ANO6: variants seen among roughly 807,000 people sequenced by gnomAD.
ANO6 encodes the protein anoctamin-6.
In ANO6, 106 loss-of-function variants were observed where a neutral mutation model predicts 117.5. That is an observed-to-expected ratio of 0.90 (90% CI 0.77 to 1.06). ANO6 has a LOEUF of 1.06. Among genes scored for constraint, ANO6 ranks in the 50% least tolerant of loss-of-function variants. The probability of loss-of-function intolerance (pLI) is 0.00; values close to 1 mark genes in which losing one functional copy is unlikely to be tolerated. For synonymous variants in ANO6, 367 were observed against 385.1 expected (o/e 0.95, Z 0.55); for missense variants, 955 against 1,121.1 (o/e 0.85, Z 2.12).
intron 8 of ANO6, among the ~76,000 whole-genome samples, chr12:45,357,916 TA>T: frequency 6.6e-6 from 1 of 152,352 alleles, no homozygotes; most frequent in East Asian, 1.9e-4. Flanking sequence ...GTTTTTACAT[TA>T]AAAAATAGTT....
intron 7 of ANO6, among the ~76,000 whole-genome samples, chr12:45,355,527 T>C (rs1350378689): frequency 4.6e-5 from 7 of 152,102 alleles, no homozygotes; most frequent in African/African-American, 9.7e-5. Context: ...GGATGGCTGA[T>C]GAAAACTTAT....
intron 10 of ANO6, among the ~76,000 whole-genome samples, chr12:45,379,178 T>C (rs1341444150): frequency 6.6e-6 from 1 of 152,226 alleles, no homozygotes; most frequent in Non-Finnish European, 1.5e-5. Flanking sequence ...TCTTATTCTT[T>C]AAAAGACAAC....
At chr12:45,345,953 GGA>G (rs1296235990) in intron 3 of ANO6, among the ~76,000 whole-genome samples, 2 of 149,078 alleles carry the variant, frequency 1.3e-5, no homozygotes, top group Non-Finnish European at 3.0e-5. Flanking sequence ...CGGTGGTGGG[GGA>G]GAGAGAGGTG....
chr12:45,231,864 GGTTTTCCTGA>G (rs1947579392), intron 1 of ANO6, among the ~76,000 whole-genome samples: 1 of 152,118 alleles, frequency 6.6e-6, no homozygotes, highest in Non-Finnish European at 1.5e-5. Context: ...GGGTAATCAT[GGTTTTCCTGA>G]GAGTTACAGT....
At chr12:45,237,857 C>T (rs1041551366) in intron 1 of ANO6, among the ~76,000 whole-genome samples, 3 of 152,218 alleles carry the variant, frequency 2.0e-5, no homozygotes, top group African/African-American at 7.2e-5. Flanking sequence ...TACCCATGAG[C>T]ATGGAATGTT....
At chr12:45,246,506 C>T (rs1307122669) in intron 1 of ANO6, among the ~76,000 whole-genome samples, 3 of 152,166 alleles carry the variant, frequency 2.0e-5, no homozygotes, top group African/African-American at 7.2e-5. Context: ...AGTTTACCAG[C>T]AGCCTGTGAT....
At chr12:45,438,474 C>A (rs1202808306) in intron 19 of ANO6, among the ~76,000 whole-genome samples, 1 of 151,960 alleles carries the variant, frequency 6.6e-6, no homozygotes, top group South Asian at 2.1e-4. Context: ...GTGGAAAATT[C>A]CACATCTGAC....
chr12:45,368,125 G>A (rs1941732672), intron 9 of ANO6, among the ~76,000 whole-genome samples: 1 of 152,190 alleles, frequency 6.6e-6, no homozygotes, highest in Non-Finnish European at 1.5e-5. Context: ...TACAGGTTGA[G>A]TATTCATTAT....
chr12:45,366,499 C>T (rs970620174), intron 8 of ANO6, among the ~76,000 whole-genome samples: 5 of 152,086 alleles, frequency 3.3e-5, no homozygotes, highest in Non-Finnish European at 5.9e-5. Context: ...AATGTCAGTT[C>T]TCACTTTACT....
intron 1 of ANO6, among the ~76,000 whole-genome samples, chr12:45,240,617 C>T (rs540905865): frequency 9.2e-5 from 14 of 151,744 alleles, no homozygotes; most frequent in African/African-American, 2.9e-4. Flanking sequence ...TTATTTTGAC[C>T]GTTAATTGAG....
At chr12:45,221,958 G>A (rs574728097) in intron 1 of ANO6, among the ~76,000 whole-genome samples, 25 of 137,340 alleles carry the variant, frequency 1.8e-4, no homozygotes, top group Non-Finnish European at 2.6e-4. Context: ...CTCAGCTCAC[G>A]GCAAGCTCCG....
rs2137628789 is a variant in ANO6, at chr12:45,401,830, T to C, written c.1422T>C (p.Ile474=). Residue 474 remains isoleucine, a synonymous_variant, in exon 13 of 20, where the codon ATT becomes ATC. Transcript: ENST00000320560. ...TCATCGCTTCAGTTATTGGGATCAT[T>C]GTCTATAGGCTCTCGGTGTTCATTG... ...LLIIASVIGI[I]VYRLSVFIVF... 2 of 1,614,006 alleles carry C rather than the reference T, an allele frequency of 1.2e-6. No individual in the cohort carries two copies. The highest frequency in any genetic ancestry group is 1.7e-6 in the Non-Finnish European group (2 of 1,179,972).
intron 17 of ANO6, among the ~76,000 whole-genome samples, chr12:45,420,631 GA>G (rs1331913375): frequency 6.6e-6 from 1 of 151,630 alleles, no homozygotes; most frequent in Admixed American, 6.6e-5. Flanking sequence ...TTGCAGTTAA[GA>G]AAAAATTAAG....
intron 2 of ANO6, among the ~76,000 whole-genome samples, chr12:45,305,749 T>C (rs1939647736): frequency 6.6e-6 from 1 of 152,102 alleles, no homozygotes; most frequent in African/African-American, 2.4e-5. Context: ...CACATGGTGA[T>C]GGAGCAGATA....
In ANO6 at chr12:45,244,306, A is replaced by T. The variant is rs565606430; in HGVS notation, c.70+27915A>T. Among the ~76,000 whole-genome samples the T allele has an allele frequency of 9.9e-5, 15 of 151,194 alleles. No individual in the cohort carries two copies. In the East Asian group the frequency reaches 3.0e-3, roughly 30 times the overall value. ...CTTGTAGAAGCCTCAGGCATAGTGG[A>T]TAACCTTTTTGAGAAACCGAACAGG... On this transcript the variant is annotated intron_variant, in intron 1 of 19. Coordinates refer to ENST00000320560, the MANE Select transcript of ANO6 (RefSeq NM_001025356.3).
chr12:45,298,938 C>G (rs985670648), intron 1 of ANO6, among the ~76,000 whole-genome samples: 1 of 151,650 alleles, frequency 6.6e-6, no homozygotes, highest in African/African-American at 2.4e-5. Context: ...ATCTAGGAAT[C>G]TAGATAAGAT....
At chr12:45,387,212 G>C (rs1942322044) in intron 10 of ANO6, among the ~76,000 whole-genome samples, 1 of 152,142 alleles carries the variant, frequency 6.6e-6, no homozygotes, top group African/African-American at 2.4e-5. Flanking sequence ...TATTTACCCT[G>C]AAACTGCATT....
In ANO6 at chr12:45,430,132, T is replaced by C; in HGVS notation, c.*821T>C. On this transcript the variant is annotated 3_prime_UTR_variant, in exon 20 of 20. Coordinates refer to ENST00000320560, the MANE Select transcript of ANO6 (RefSeq NM_001025356.3). Reference sequence around the variant, plus strand: ...AACTCATGTTGATCTGGATAATTAATCTTTTCTAAAGATGTGTAGTTTCTT... The same window carrying C: ...AACTCATGTTGATCTGGATAATTAACCTTTTCTAAAGATGTGTAGTTTCTT... The C allele has an allele frequency of 5.1e-6, 5 of 985,450 alleles. No homozygotes were observed. The highest frequency in any genetic ancestry group is 6.0e-6 in the Non-Finnish European group (5 of 829,914). The allele number at this position is 985,450 out of a possible 1,614,324, so 61.0% of individuals were successfully genotyped here.
chr12:45,262,232 A>G (rs1407936117), intron 1 of ANO6, among the ~76,000 whole-genome samples: 4 of 152,190 alleles, frequency 2.6e-5, no homozygotes, highest in African/African-American at 4.8e-5. Context: ...GTAGTTTTAT[A>G]TGGTTTAGAC....
Sources: gnomAD v4.1 joint callset for allele counts (sites outside exome capture counted in the v4.1 genomes callset) on GRCh38, gnomAD v4.1.1 for gene constraint, MANE v1.5 for transcripts, NCBI Gene and HGNC (gene_info 2026-07-23, HGNC 2026-07-21) for gene names.